Variants in DDX6 observed in about 807,000 individuals in gnomAD.
DDX6 encodes DEAD-box helicase 6, also known as probable ATP-dependent RNA helicase DDX6.
DDX6 carries 7 observed loss-of-function variants against 60.6 expected under a neutral mutation model. The ratio of observed to expected loss-of-function variants is 0.12; its 90% CI spans 0.07 to 0.22. DDX6 has a LOEUF of 0.22. Ranked by LOEUF, DDX6 falls within the 10% of genes least tolerant of loss-of-function variation. DDX6 has a pLI of 1.00. For missense variants in DDX6, 270 were observed against 589.9 expected, an observed-to-expected ratio of 0.46 and a Z score of 5.62; for synonymous variants, 207 against 201.0, an observed-to-expected ratio of 1.03 and a Z score of -0.25.
At chr11:118,780,639 C>A (rs951729193) in intron 3 of DDX6, among the ~76,000 whole-genome samples, 1 of 152,132 alleles carries the variant, frequency 6.6e-6, no homozygotes, top group Non-Finnish European at 1.5e-5. Flanking sequence ...CTCCTAAGGA[C>A]TGGTGGAATA....
chr11:118,779,587 G>T, intron 4 of DDX6, 45 bp downstream of exon 4: 3 of 1,291,814 alleles, frequency 2.3e-6, no homozygotes, highest in Non-Finnish European at 2.2e-6. Flanking sequence ...ACTGTTTAAT[G>T]GTTGACACAT....
intron 7 of DDX6, among the ~76,000 whole-genome samples, chr11:118,760,909 G>A (rs1159279258): frequency 3.9e-5 from 6 of 152,086 alleles, no homozygotes; most frequent in African/African-American, 1.2e-4. Flanking sequence ...GGAGGACCAG[G>A]CGGGCGGATC....
chr11:118,786,254 T>C lies in DDX6; in HGVS notation c.-3A>G. 1 of 1,591,250 alleles carries C rather than the reference T, an allele frequency of 6.3e-7. No homozygotes were observed. The highest frequency in any genetic ancestry group is 8.6e-7 in the Non-Finnish European group (1 of 1,168,722). ...TTCTCTGTTCTGGCCGTGCTCATGC[T>C]GTTTTAATTGCAAAGGTCTTTCAAA... On this transcript the variant is annotated 5_prime_UTR_variant, in exon 2 of 14. Coordinates refer to ENST00000534980, the MANE Select transcript of DDX6 (RefSeq NM_004397.6).
intron 12 of DDX6, 69 bp downstream of exon 12, chr11:118,755,333 A>G: frequency 1.1e-6 from 1 of 905,242 alleles, no homozygotes; most frequent in Middle Eastern, 3.2e-4. Flanking sequence ...TTCACAAAAG[A>G]ACAAAATTTA....
Position 118,771,761 on chromosome 11 carries a change from C to T in DDX6, c.370-3409G>A, listed in dbSNP as rs1473433087. On this transcript the variant is annotated intron_variant, in intron 4 of 13. Transcript: ENST00000534980. The stretch of plus-strand genomic sequence containing the variant: ...GCCCAAGGTCACAAAGCAAGAAATG[C>T]TTTAGCCAGTATTTGAACTTAGATC... 7.2e-5 allele frequency among the ~76,000 whole-genome samples: 11 copies of T among 152,326 alleles called. No individual in the cohort carries two copies. The East Asian group carries it at 1.5e-3, about 21-fold the overall frequency.
rs1236197641 is a variant in DDX6, at chr11:118,748,218, T to G, written c.*3887A>C. The G allele has an allele frequency of 1.3e-5, 2 of 152,226 alleles. No individual in the cohort carries two copies. The highest frequency in any genetic ancestry group is 1.3e-4 in the Admixed American group (2 of 15,280). 9.4% of individuals were successfully genotyped at this position (152,226 alleles called of 1,614,324 possible). ...AGCATTGTCTACTGGAGAATTTAAATACACTTCTGTTGGAATCTGTCAGCT... is the reference window on the plus strand; with the variant it reads ...AGCATTGTCTACTGGAGAATTTAAAGACACTTCTGTTGGAATCTGTCAGCT... On this transcript the variant is annotated 3_prime_UTR_variant, in exon 14 of 14. Coordinates refer to ENST00000534980, the MANE Select transcript of DDX6 (RefSeq NM_004397.6).
At chr11:118,757,484 TTAGAG>T (rs1217431312) in intron 9 of DDX6, among the ~76,000 whole-genome samples, 197 bp from the exon 10 acceptor site, 5 of 152,188 alleles carry the variant, frequency 3.3e-5, no homozygotes, top group African/African-American at 9.7e-5. Context: ...ATTTACCGTA[TTAGAG>T]TATATTTCTT....
At chr11:118,758,737 G>T in intron 9 of DDX6, 37 bp downstream of exon 9, 1 of 1,608,702 alleles carries the variant, frequency 6.2e-7, no homozygotes, top group South Asian at 1.1e-5. Context: ...ACTGGGACTC[G>T]AGAGATAATA....
At position 118,751,548 on chromosome 11, in the gene DDX6, T is replaced by TAAAAGA. The variant is rs1174076976; in HGVS notation, c.*551_*556dup. 1.3e-5 allele frequency: 2 copies of TAAAAGA among 152,564 alleles called. No individual in the cohort carries two copies. The highest frequency in any genetic ancestry group is 4.8e-5 in the African/African-American group (2 of 41,304). 9.5% of individuals were successfully genotyped at this position (152,564 alleles called of 1,614,324 possible). A position where few individuals can be genotyped will look rare whatever the true frequency, so the allele number is the denominator to read the frequency against. On this transcript the variant is annotated 3_prime_UTR_variant, in exon 14 of 14. Transcript: ENST00000534980. ...GAAACCAAAATAAGAAGACATTTTT[T>TAAAAGA]AAAAGAAAAAGAAAAAAAAACGGAA... is the stretch of plus-strand genomic sequence containing the variant.
In DDX6 at chr11:118,779,637, T is replaced by C. The variant is rs781805261; in HGVS notation, c.364A>G (p.Ile122Val). 5.0e-6 allele frequency: 8 copies of C among 1,604,412 alleles called. No homozygotes were observed. The highest frequency in any genetic ancestry group is 6.8e-6 in the Non-Finnish European group (8 of 1,173,512). The change falls in exon 4 of 14, where the codon ATT (isoleucine) becomes GTT (valine). Residue 122 changes from isoleucine (I) to valine (V), a missense_variant. Coordinates refer to ENST00000534980, the MANE Select transcript of DDX6 (RefSeq NM_004397.6). ...GATAAAAAGGGTTAACATACCTGAATAGGAGATGGCTTTTCCCAGCCCATT... is the reference window on the plus strand; with the variant it reads ...GATAAAAAGGGTTAACATACCTGAACAGGAGATGGCTTTTCCCAGCCCATT... ...FEMGWEKPSP[I>V]QEESIPIALS...
chr11:118,749,358 G>GAAAAAAAAAA lies in DDX6; in HGVS notation c.*2737_*2746dup, dbSNP rs386375042. 19 of 91,782 alleles carry GAAAAAAAAAA rather than the reference G, an allele frequency of 2.1e-4. No homozygotes were observed. The highest frequency in any genetic ancestry group is 4.3e-4 in the South Asian group (1 of 2,338). 5.7% of individuals were successfully genotyped at this position (91,782 alleles called of 1,614,324 possible). On this transcript the variant is annotated 3_prime_UTR_variant, in exon 14 of 14. Coordinates refer to ENST00000534980, the MANE Select transcript of DDX6 (RefSeq NM_004397.6). ...TTATTATGAGGGCCCAAAAAAGAAA[G>GAAAAAAAAAA]AAAAAAAAAAAAAAAAAAAAAAAGA...
Position 118,781,200 on chromosome 11 carries a change from T to A in DDX6, c.201-16A>T, listed in dbSNP as rs953424685. On this transcript the variant is annotated splice_polypyrimidine_tract_variant and intron_variant, in intron 2 of 13. Transcript: ENST00000534980. ...ATCACCAGGTCTAGAGAGAATACAG[T>A]AAACTTGAAGTATCAAAATTCATAG... The A allele has an allele frequency of 1.3e-6, 2 of 1,554,838 alleles. No homozygotes were observed. The highest frequency in any genetic ancestry group is 1.8e-6 in the Non-Finnish European group (2 of 1,133,924).
intron 2 of DDX6, among the ~76,000 whole-genome samples, chr11:118,782,808 C>T (rs10892291): frequency 0.17 from 25,983 of 152,014 alleles, 2,441 homozygotes; most frequent in South Asian, 0.29. Flanking sequence ...CTACACCTGG[C>T]TAGTTTTTGT....
chr11:118,756,541 C>A (rs1450559757), intron 10 of DDX6, among the ~76,000 whole-genome samples: 1 of 152,136 alleles, frequency 6.6e-6, no homozygotes, highest in African/African-American at 2.4e-5. Context: ...ACAAAAAAGT[C>A]ATTTTTGTTA....
chr11:118,772,160 G>A (rs896598203), intron 4 of DDX6, among the ~76,000 whole-genome samples: 6 of 152,064 alleles, frequency 3.9e-5, no homozygotes, highest in African/African-American at 1.2e-4. Flanking sequence ...TTTTTCAGAC[G>A]GATGACAGTT....
At chr11:118,771,891 G>T (rs1041612748) in intron 4 of DDX6, among the ~76,000 whole-genome samples, 1 of 152,272 alleles carries the variant, frequency 6.6e-6, no homozygotes, top group Admixed American at 6.5e-5. Flanking sequence ...TCCTCAAAAG[G>T]TTAAAAAGAG....
intron 4 of DDX6, among the ~76,000 whole-genome samples, chr11:118,776,388 G>A (rs182803316): frequency 2.4e-4 from 36 of 152,148 alleles, no homozygotes; most frequent in African/African-American, 8.7e-4. Flanking sequence ...GAGTAGAGCT[G>A]GGATTTAATC....
chr11:118,761,320 A>G (rs1264619666), intron 7 of DDX6, among the ~76,000 whole-genome samples: 2 of 152,084 alleles, frequency 1.3e-5, no homozygotes, highest in Non-Finnish European at 2.9e-5. Context: ...CGGGATTTAG[A>G]AAAAACTTGG....
rs782083543 is a variant in DDX6, at chr11:118,779,620, G to C, written c.369+12C>G. On this transcript the variant is annotated intron_variant, in intron 4 of 13. Coordinates refer to ENST00000534980, the MANE Select transcript of DDX6 (RefSeq NM_004397.6). Reference sequence around the variant, plus strand: ...CATAACCTTACATATGTGATAAAAAGGGTTAACATACCTGAATAGGAGATG... The same window carrying C: ...CATAACCTTACATATGTGATAAAAACGGTTAACATACCTGAATAGGAGATG... 1 of 1,560,690 alleles carries C rather than the reference G, an allele frequency of 6.4e-7. No homozygotes were observed. Among genetic ancestry groups the C allele is most frequent in the Non-Finnish European group, 8.8e-7 (1 of 1,137,806 alleles).
Sources: gnomAD v4.1 joint callset for allele counts (sites outside exome capture counted in the v4.1 genomes callset) on GRCh38, gnomAD v4.1.1 for gene constraint, MANE v1.5 for transcripts, NCBI Gene and HGNC (gene_info 2026-07-23, HGNC 2026-07-21) for gene names.